ADGRL2: variants seen among roughly 807,000 people sequenced by gnomAD.
The protein encoded by ADGRL2 is adhesion G protein-coupled receptor L2.
A neutral mutation model predicts 157.4 loss-of-function variants in ADGRL2; 44 were observed. That is an observed-to-expected ratio of 0.28 (90% CI 0.22 to 0.36). The LOEUF (loss-of-function observed/expected upper bound fraction) is 0.36, where lower values mean the gene tolerates loss of function less well. Ranked by LOEUF, ADGRL2 falls within the 10% of genes least tolerant of loss-of-function variation. The pLI is 1.00. For synonymous variants in ADGRL2, 585 were observed against 624.7 expected (o/e 0.94, Z 0.95); for missense variants, 1,510 against 1,768.9 (o/e 0.85, Z 2.63).
At chr1:81,326,396 A>G (rs1163087498) in intron 1 of ADGRL2, among the ~76,000 whole-genome samples, 3 of 152,208 alleles carry the variant, frequency 2.0e-5, no homozygotes, top group Non-Finnish European at 4.4e-5. Context: ...AGTTGGTTCA[A>G]GTAGACTTTC....
rs138209092 is a variant in ADGRL2 at position 81,902,236 on chromosome 1, G to A, written c.74-4781G>A. On this transcript the variant is annotated intron_variant, in intron 2 of 23. Coordinates refer to ENST00000686636, the MANE Select transcript of ADGRL2 (RefSeq NM_001366006.2). ...TTGTGAGGACCAGGGTTCTTATTATGCAGATGAAGCCTCTAGGTAGCAGGT... is the reference window on the plus strand; with the variant it reads ...TTGTGAGGACCAGGGTTCTTATTATACAGATGAAGCCTCTAGGTAGCAGGT... 1.9e-3 allele frequency among the ~76,000 whole-genome samples: 290 copies of A among 152,292 alleles called. 5 individuals are homozygous for A. The highest frequency in any genetic ancestry group is 6.7e-3 in the African/African-American group (278 of 41,564).
At chr1:81,757,039 TTC>T (rs2085716726) in intron 1 of ADGRL2, among the ~76,000 whole-genome samples, 1 of 152,218 alleles carries the variant, frequency 6.6e-6, no homozygotes, top group African/African-American at 2.4e-5. Flanking sequence ...CCATGGAAGT[TTC>T]TGTTTCTCTG....
chr1:81,853,276 T>A (rs879542161), intron 2 of ADGRL2, among the ~76,000 whole-genome samples: 3 of 152,192 alleles, frequency 2.0e-5, no homozygotes, highest in Admixed American at 6.6e-5. Context: ...CTAATTATCC[T>A]TCACCTCTTC....
At chr1:81,510,836 G>A (rs75653932) in intron 2 of ADGRL2, among the ~76,000 whole-genome samples, 3 of 152,042 alleles carry the variant, frequency 2.0e-5, no homozygotes, top group African/African-American at 4.8e-5. Context: ...ACTTTTTCAG[G>A]CTCCTTCTAC....
At chr1:81,355,229 T>C (rs1184727639) in intron 1 of ADGRL2, among the ~76,000 whole-genome samples, 1 of 152,050 alleles carries the variant, frequency 6.6e-6, no homozygotes, top group Admixed American at 6.5e-5. Flanking sequence ...CTTGGTGGCA[T>C]GTGCCTGTAG....
chr1:81,571,044 A>G (rs2080676707), intron 2 of ADGRL2, among the ~76,000 whole-genome samples: 1 of 152,088 alleles, frequency 6.6e-6, no homozygotes, highest in Non-Finnish European at 1.5e-5. Flanking sequence ...AGTAGGCCAG[A>G]CTGGGTGCAG....
intron 1 of ADGRL2, among the ~76,000 whole-genome samples, chr1:81,394,846 T>G (rs969628658): frequency 6.6e-6 from 1 of 152,076 alleles, no homozygotes; most frequent in Non-Finnish European, 1.5e-5. Flanking sequence ...TTCTTTCCAT[T>G]CTTACCAGCA....
At chr1:81,698,277 C>T (rs902652193), upstream of ADGRL2, among the ~76,000 whole-genome samples, 5 of 152,124 alleles carry the variant, frequency 3.3e-5, no homozygotes, top group Admixed American at 1.3e-4. Flanking sequence ...AATGTATTAT[C>T]TTCAACTTAT....
chr1:81,426,853 A>G, intron 1 of ADGRL2: 1 of 581,402 alleles, frequency 1.7e-6, no homozygotes, highest in South Asian at 1.5e-5. Context: ...TGGTGGTATT[A>G]AAGAAGATAC....
intron 3 of ADGRL2, among the ~76,000 whole-genome samples, chr1:81,649,298 C>A (rs915491861): frequency 6.6e-6 from 1 of 152,174 alleles, no homozygotes; most frequent in African/African-American, 2.4e-5. Context: ...TGCAGGAGAT[C>A]TTAAGTGAGA....
chr1:81,627,223 T>A (rs1369207128), intron 3 of ADGRL2, among the ~76,000 whole-genome samples: 1 of 152,172 alleles, frequency 6.6e-6, no homozygotes, highest in Non-Finnish European at 1.5e-5. Flanking sequence ...AAAAGCCACA[T>A]ACTTAAATGT....
chr1:81,740,585 A>G (rs951465110), intron 1 of ADGRL2, among the ~76,000 whole-genome samples: 1 of 152,218 alleles, frequency 6.6e-6, no homozygotes, highest in Non-Finnish European at 1.5e-5. Flanking sequence ...GGTTATTCAG[A>G]CACAGAAATA....
In ADGRL2 at chr1:81,450,454, TAGAC is replaced by T. The variant is rs148728615; in HGVS notation, c.-248+5369_-248+5372del. The stretch of plus-strand genomic sequence containing the variant: ...TGGCCCCAGTCTAAAGATAAAGAAA[TAGAC>T]AGAGAAATTTACTTTGATGAAATTA... On this transcript the variant is annotated intron_variant, in intron 2 of 24. Transcript: ENST00000370721. Among the ~76,000 whole-genome samples the T allele has an allele frequency of 6.5e-3, 983 of 152,110 alleles. 12 individuals carry two copies. Among genetic ancestry groups the T allele is most frequent in the African/African-American group, 0.022 (926 of 41,500 alleles).
intron 2 of ADGRL2, among the ~76,000 whole-genome samples, chr1:81,846,381 C>T (rs2092789928): frequency 1.1e-5 from 1 of 88,440 alleles, no homozygotes; most frequent in Non-Finnish European, 2.7e-5. Flanking sequence ...TGTTAAACAG[C>T]CGAGAGAAGC....
intron 2 of ADGRL2, among the ~76,000 whole-genome samples, chr1:81,456,678 CT>C (rs1255486285): frequency 6.7e-6 from 1 of 149,496 alleles, no homozygotes; most frequent in Non-Finnish European, 1.5e-5. Flanking sequence ...CCTAAACAAG[CT>C]ACAGTTTTCA....
At chr1:81,604,193 G>T (rs1366995961) in intron 3 of ADGRL2, among the ~76,000 whole-genome samples, 1 of 152,152 alleles carries the variant, frequency 6.6e-6, no homozygotes, top group African/African-American at 2.4e-5. Flanking sequence ...TCGAACGCCT[G>T]ACCTCAAGTG....
Position 81,993,072 on chromosome 1 carries a change from TATATATATATATATA to T in ADGRL2, c.*1928_*1942del, listed in dbSNP as rs200056859. Among the ~76,000 whole-genome samples the T allele has an allele frequency of 0.017, 518 of 30,342 alleles. 26 individuals are homozygous for T. The highest frequency in any genetic ancestry group is 0.081 in the East Asian group (83 of 1,026). 19.9% of individuals were successfully genotyped at this position (30,342 alleles called of 152,430 possible). A position where few individuals can be genotyped will look rare whatever the true frequency, so the allele number is the denominator to read the frequency against. On this transcript the variant is annotated 3_prime_UTR_variant, in exon 24 of 24. Coordinates refer to ENST00000686636, the MANE Select transcript of ADGRL2 (RefSeq NM_001366006.2). ...TATATAATATACATATATATATATA[TATATATATATATATA>T]TTTTTTTTTTTTTTTTTTTTTTTTT...
rs567188167 is a variant in ADGRL2 at position 81,913,425 on chromosome 1, A to G, written c.287+6195A>G. On this transcript the variant is annotated intron_variant, in intron 3 of 23. Coordinates refer to ENST00000686636, the MANE Select transcript of ADGRL2 (RefSeq NM_001366006.2). The stretch of plus-strand genomic sequence containing the variant: ...CACATTCAGTTAGAAGTAAGACTAC[A>G]TGGAAAGGACCATGTATGCCTTAGT... Among the ~76,000 whole-genome samples the G allele has an allele frequency of 5.3e-5, 8 of 152,318 alleles. No individual in the cohort carries two copies. The East Asian group carries it at 9.7e-4, about 18-fold the overall frequency.
At chr1:81,875,397 T>C (rs2093812460) in intron 2 of ADGRL2, among the ~76,000 whole-genome samples, 1 of 152,178 alleles carries the variant, frequency 6.6e-6, no homozygotes, top group African/African-American at 2.4e-5. Flanking sequence ...TTTAACAAAA[T>C]ACAGAATTTA....
Sources: gnomAD v4.1 joint callset for allele counts (sites outside exome capture counted in the v4.1 genomes callset) on GRCh38, gnomAD v4.1.1 for gene constraint, MANE v1.5 for transcripts, NCBI Gene and HGNC (gene_info 2026-07-23, HGNC 2026-07-21) for gene names.